The following MAP3K6 variants were observed in gnomAD, a reference collection of about 807,000 sequenced individuals.
The protein encoded by MAP3K6 is apoptosis signal-regulating kinase 2.
MAP3K6 carries 105 observed loss-of-function variants against 147.1 expected under a neutral mutation model. The observed-to-expected ratio is 0.71, with a 90% CI of 0.61 to 0.84. MAP3K6 has a LOEUF of 0.84. MAP3K6 is among the 40% of genes least tolerant of loss of function. The pLI is 0.00. For synonymous variants in MAP3K6, 695 were observed against 732.4 expected (o/e 0.95, Z 0.82); for missense variants, 1,569 against 1,715.0 (o/e 0.91, Z 1.50).
Position 27,366,580 on chromosome 1 carries a change from G to T in MAP3K6, c.18C>A (p.Pro6=). The T allele has an allele frequency of 9.2e-7, 1 of 1,081,180 alleles. No homozygotes were observed. The highest frequency in any genetic ancestry group is 4.4e-5 in the South Asian group (1 of 22,638). 67.0% of individuals were successfully genotyped at this position (1,081,180 alleles called of 1,614,324 possible). Residue 6 remains proline (P), a synonymous_variant, in exon 1 of 29, where the codon CCC becomes CCA. Transcript: ENST00000357582. The surrounding 1 kb of genome is among the most constrained non-coding windows in gnomAD (Gnocchi z 5.5). ...TGCCGGCGCGCTCCGCCCCGGACCG[G>T]GGACACGGCCCCGCCATGCGGGGGC... MAGPC[P]RSGAERAGSC... is the part of the protein sequence containing the mutation.
chr1:27,366,139 T>G lies in MAP3K6; in HGVS notation c.340+119A>C. 1 of 1,083,908 alleles carries G rather than the reference T, an allele frequency of 9.2e-7. No homozygotes were observed. Among genetic ancestry groups the G allele is most frequent in the Non-Finnish European group, 1.2e-6 (1 of 854,118 alleles). 67.1% of individuals were successfully genotyped at this position (1,083,908 alleles called of 1,614,324 possible). A position where few individuals can be genotyped will look rare whatever the true frequency, so the allele number is the denominator to read the frequency against. On this transcript the variant is annotated intron_variant, in intron 1 of 28. Coordinates refer to ENST00000357582, the MANE Select transcript of MAP3K6 (RefSeq NM_004672.5). The surrounding 1 kb of genome is among the most constrained non-coding windows in gnomAD (Gnocchi z 5.5). ...CCAAGCCCTTCAGCTTTAGCTCACT[T>G]TAAGTCCCCTAGACCCGGTACCCCT...
At chr1:27,363,128 T>C (rs1044983559) in intron 6 of MAP3K6, 107 bp from the exon 7 acceptor site, 52 of 1,015,880 alleles carry the variant, frequency 5.1e-5, no homozygotes, top group Non-Finnish European at 7.3e-5. Flanking sequence ...CTGACAATAA[T>C]GACCTCAAAA....
rs1161070707 is a variant in MAP3K6 at position 27,363,524 on chromosome 1, C to T, written c.889G>A (p.Val297Met). ...VQDYSAIIEL[V>M]ETLQALPTCD... ...GTGGGCAAGGCCTGCAGCGTCTCCACCAGCTCAATGATGGCCGAGTAGTCC... is the reference window on the plus strand; with the variant it reads ...GTGGGCAAGGCCTGCAGCGTCTCCATCAGCTCAATGATGGCCGAGTAGTCC... Residue 297 changes from valine to methionine, a missense_variant, in exon 6 of 29, where the codon GTG becomes ATG. Physicochemically the swap from Val to Met is conservative, Grantham distance 21 (BLOSUM62 1). Transcript: ENST00000357582. The T allele has an allele frequency of 1.2e-6, 2 of 1,612,848 alleles. No homozygotes were observed. Among genetic ancestry groups the T allele is most frequent in the South Asian group, 1.1e-5 (1 of 90,890 alleles).
At position 27,360,333 on chromosome 1, in the gene MAP3K6, T is replaced by A; in HGVS notation, c.2090A>T (p.His697Leu). The A allele has an allele frequency of 6.2e-7, 1 of 1,613,930 alleles. No homozygotes were observed. Among genetic ancestry groups the A allele is most frequent in the Non-Finnish European group, 8.5e-7 (1 of 1,179,948 alleles). Residue 697 changes from histidine (H) to leucine (L), a missense_variant, in exon 16 of 29, where the codon CAC becomes CTC. Physicochemically the swap from His to Leu is moderately conservative, Grantham distance 99. Transcript: ENST00000357582. The surrounding 1 kb of genome is among the most constrained non-coding windows in gnomAD (Gnocchi z 4.5). ...TATGTTCTTGTGGCGCAGGCGTCTG[T>A]GAAGAGCGATCTCTTCATGCAGGGG... ...SQPLHEEIAL[H>L]RRLRHKNIVR...
At position 27,358,903 on chromosome 1, in the gene MAP3K6, C is replaced by A; in HGVS notation, c.2426-37G>T. On this transcript the variant is annotated intron_variant, in intron 18 of 28. Transcript: ENST00000357582. This position sits in a 1 kb window ranked among gnomAD's most constrained non-coding sequence, Gnocchi z 6.2. ...ACAGGAGCACCAATGCCCATCTAGGCTTCATCATGGGGTTGGAGCAGGGAG... is the reference window on the plus strand; with the variant it reads ...ACAGGAGCACCAATGCCCATCTAGGATTCATCATGGGGTTGGAGCAGGGAG... The A allele has an allele frequency of 6.5e-7, 1 of 1,536,206 alleles. No individual in the cohort carries two copies. Among genetic ancestry groups the A allele is most frequent in the Non-Finnish European group, 8.8e-7 (1 of 1,141,764 alleles).
rs998204995 is a variant in MAP3K6 at position 27,366,654 on chromosome 1, C to A, written c.-57G>T. 1.7e-4 allele frequency: 183 copies of A among 1,049,884 alleles called. No homozygotes were observed. The highest frequency in any genetic ancestry group is 2.0e-4 in the Non-Finnish European group (175 of 871,122). 65.0% of individuals were successfully genotyped at this position (1,049,884 alleles called of 1,614,324 possible). On this transcript the variant is annotated 5_prime_UTR_variant, in exon 1 of 29. Transcript: ENST00000357582. The surrounding 1 kb of genome is among the most constrained non-coding windows in gnomAD (Gnocchi z 5.5). Reference sequence around the variant, plus strand: ...CTGGGAACCGGGGGCGGGGCAGGAGCCTGGGCCGGCAGATCAGGAATCTTG... The same window carrying A: ...CTGGGAACCGGGGGCGGGGCAGGAGACTGGGCCGGCAGATCAGGAATCTTG...
chr1:27,362,958 C>T lies in MAP3K6; in HGVS notation c.1035G>A (p.Glu345=). The T allele has an allele frequency of 6.2e-7, 1 of 1,614,088 alleles. No individual in the cohort carries two copies. Among genetic ancestry groups the T allele is most frequent in the Non-Finnish European group, 8.5e-7 (1 of 1,180,002 alleles). ...AGTACAGATCGGGCGCCACAGAGCC[C>T]TCAAGCTGTACCAGCGGCAGCAGCA... ...LSVLLPLVQL[E]GSVAPDLYCM... is the part of the protein sequence containing the mutation. Residue 345 remains glutamate (E), a synonymous_variant, in exon 7 of 29, where the codon GAG becomes GAA. Transcript: ENST00000357582.
Position 27,360,038 on chromosome 1 carries a change from C to G in MAP3K6, c.2183-44G>C, listed in dbSNP as rs754242056. 1.3e-5 allele frequency: 21 copies of G among 1,611,756 alleles called. No homozygotes were observed. In the East Asian group the frequency reaches 4.7e-4, roughly 36 times the overall value. The stretch of plus-strand genomic sequence containing the variant: ...AGTTCATTCTTCCCACCCACTGGCT[C>G]CAGCCCACATCTCTCTGCTCAAGGC... On this transcript the variant is annotated intron_variant, in intron 16 of 28. Coordinates refer to ENST00000357582, the MANE Select transcript of MAP3K6 (RefSeq NM_004672.5). This position sits in a 1 kb window ranked among gnomAD's most constrained non-coding sequence, Gnocchi z 4.5.
At chr1:27,365,230 G>A (rs539170967) in intron 1 of MAP3K6, among the ~76,000 whole-genome samples, 73 of 152,266 alleles carry the variant, frequency 4.8e-4, no homozygotes, top group Middle Eastern at 6.8e-3. Context: ...TGGGAGTTGC[G>A]CAAACATAGA....
chr1:27,360,556 C>G lies in MAP3K6; in HGVS notation c.2054+149G>C. 2 of 1,393,128 alleles carry G rather than the reference C, an allele frequency of 1.4e-6. No homozygotes were observed. The highest frequency in any genetic ancestry group is 1.9e-6 in the Non-Finnish European group (2 of 1,050,842). 86.3% of individuals were successfully genotyped at this position (1,393,128 alleles called of 1,614,324 possible). A position where few individuals can be genotyped will look rare whatever the true frequency, so the allele number is the denominator to read the frequency against. On this transcript the variant is annotated intron_variant, in intron 15 of 28. Transcript: ENST00000357582. This position sits in a 1 kb window ranked among gnomAD's most constrained non-coding sequence, Gnocchi z 4.5. ...TCCCGCCCGCACGGTCCTGGCTGTT[C>G]CGCCCACGGGCCCAGTCCACAGGGC...
rs748444162 is a variant in MAP3K6, at chr1:27,364,696, A to G, written c.481-12T>C. The G allele has an allele frequency of 3.5e-5, 56 of 1,614,034 alleles. No individual in the cohort carries two copies. The Admixed American group carries it at 3.7e-4, about 11-fold the overall frequency. On this transcript the variant is annotated splice_polypyrimidine_tract_variant and intron_variant, in intron 2 of 28. Transcript: ENST00000357582. This position sits in a 1 kb window ranked among gnomAD's most constrained non-coding sequence, Gnocchi z 4.4. ...TGGAAAACATCCTCCTGCAGGAGGC[A>G]GACAGTCAGATACTGGTGTTCTGTG...
At position 27,358,054 on chromosome 1, in the gene MAP3K6, G is replaced by A; in HGVS notation, c.2915+127C>T. The A allele has an allele frequency of 6.7e-7, 1 of 1,498,708 alleles. No homozygotes were observed. Among genetic ancestry groups the A allele is most frequent in the Non-Finnish European group, 8.9e-7 (1 of 1,122,890 alleles). The allele number at this position is 1,498,708 out of a possible 1,614,324, so 92.8% of individuals were successfully genotyped here. On this transcript the variant is annotated intron_variant, in intron 21 of 28. Transcript: ENST00000357582. The surrounding 1 kb of genome is among the most constrained non-coding windows in gnomAD (Gnocchi z 6.2). ...AGTTAGAGTTGCCAGAACAGGGCAT[G>A]GGGAGGCACCAAATGCCACATTCAC...
chr1:27,358,597 C>T lies in MAP3K6; in HGVS notation c.2598G>A (p.Lys866=), dbSNP rs1197316412. 6.2e-7 allele frequency: 1 copy of T among 1,613,736 alleles called. No individual in the cohort carries two copies. Among genetic ancestry groups the T allele is most frequent in the South Asian group, 1.1e-5 (1 of 91,056 alleles). The part of the protein sequence containing the change: ...QAAMFQVGMY[K]VHPPMPSSLS... ...GAGAGCTGGGCATTGGCGGATGGAC[C>T]TTGTACATACCCACCTGTGGGGGGA... Residue 866 remains lysine (K), a synonymous_variant, in exon 20 of 29, where the codon AAG becomes AAA. Coordinates refer to ENST00000357582, the MANE Select transcript of MAP3K6 (RefSeq NM_004672.5). The surrounding 1 kb of genome is among the most constrained non-coding windows in gnomAD (Gnocchi z 6.2).
rs757061579 is a variant in MAP3K6 at position 27,362,960 on chromosome 1, C to G, written c.1033G>C (p.Glu345Gln). 6.2e-7 allele frequency: 1 copy of G among 1,614,090 alleles called. No individual in the cohort carries two copies. Among genetic ancestry groups the G allele is most frequent in the East Asian group, 2.2e-5 (1 of 44,894 alleles). Residue 345 changes from glutamate to glutamine, a missense_variant, in exon 7 of 29, where the codon GAG becomes CAG. By Grantham distance (29) the Glu-to-Gln change is conservative. Transcript: ENST00000357582. ...LSVLLPLVQL[E>Q]GSVAPDLYCM... Reference sequence around the variant, plus strand: ...TACAGATCGGGCGCCACAGAGCCCTCAAGCTGTACCAGCGGCAGCAGCACA... The same window carrying G: ...TACAGATCGGGCGCCACAGAGCCCTGAAGCTGTACCAGCGGCAGCAGCACA...
In MAP3K6 at chr1:27,359,437, G is replaced by A; in HGVS notation, c.2405C>T (p.Pro802Leu). ...GTTACCTGTGAAGGTCTCAGTGCAAGGTGTGATGCCTGCCAGCCGCTTGGA... is the reference window on the plus strand; with the variant it reads ...GTTACCTGTGAAGGTCTCAGTGCAAAGTGTGATGCCTGCCAGCCGCTTGGA... ...GTSKRLAGIT[P>L]CTETFTGTLQ... Residue 802 changes from proline to leucine, a missense_variant, in exon 18 of 29, where the codon CCT becomes CTT. Pro to Leu is a moderately conservative substitution (Grantham distance 98, BLOSUM62 -3). Coordinates refer to ENST00000357582, the MANE Select transcript of MAP3K6 (RefSeq NM_004672.5). This position sits in a 1 kb window ranked among gnomAD's most constrained non-coding sequence, Gnocchi z 4.4. The A allele has an allele frequency of 6.2e-7, 1 of 1,614,178 alleles. No individual in the cohort carries two copies. Among genetic ancestry groups the A allele is most frequent in the Non-Finnish European group, 8.5e-7 (1 of 1,180,038 alleles).
At chr1:27,361,678 CG>C (rs1302808809) in intron 10 of MAP3K6, 26 bp downstream of exon 10, 1 of 1,613,852 alleles carries the variant, frequency 6.2e-7, no homozygotes, top group Non-Finnish European at 8.5e-7. Flanking sequence ...ACCCCTTTCC[CG>C]GGTCCACCAC....
At position 27,356,623 on chromosome 1, in the gene MAP3K6, A is replaced by C; in HGVS notation, c.3491T>G (p.Val1164Gly). 6.2e-7 allele frequency: 1 copy of C among 1,612,896 alleles called. No homozygotes were observed. Among genetic ancestry groups the C allele is most frequent in the Non-Finnish European group, 8.5e-7 (1 of 1,179,388 alleles). Residue 1164 changes from valine (V) to glycine (G), a missense_variant, in exon 25 of 29, where the codon GTG (valine) becomes GGG (glycine). Coordinates refer to ENST00000357582, the MANE Select transcript of MAP3K6 (RefSeq NM_004672.5). ...CTCTGCCCTCAAGAGGCTCAGCTGCACCATCAGAGGAGCGGGGCCCTGCTC... is the reference window on the plus strand; with the variant it reads ...CTCTGCCCTCAAGAGGCTCAGCTGCCCCATCAGAGGAGCGGGGCCCTGCTC... Reference protein sequence around the residue: ...EPEQGPAPLMVQLSLLRAETD... With the variant: ...EPEQGPAPLMGQLSLLRAETD...
Position 27,366,040 on chromosome 1 carries a change from C to T in MAP3K6, c.340+218G>A, listed in dbSNP as rs2015967580. On this transcript the variant is annotated intron_variant, in intron 1 of 28. Transcript: ENST00000357582. The surrounding 1 kb of genome is among the most constrained non-coding windows in gnomAD (Gnocchi z 5.5). ...CCCAACCTCGAGCCCTAGAGCCGCGCCCGGATCCCTGTCTCGTCCCGAGCC... is the reference window on the plus strand; with the variant it reads ...CCCAACCTCGAGCCCTAGAGCCGCGTCCGGATCCCTGTCTCGTCCCGAGCC... 6.6e-6 allele frequency among the ~76,000 whole-genome samples: 1 copy of T among 152,010 alleles called. No homozygotes were observed. The highest frequency in any genetic ancestry group is 2.4e-5 in the African/African-American group (1 of 41,370).
chr1:27,359,838 G>C lies in MAP3K6; in HGVS notation c.2319+20C>G, dbSNP rs750251884. 2.5e-6 allele frequency: 4 copies of C among 1,613,894 alleles called. No individual in the cohort carries two copies. In the East Asian group the frequency reaches 8.9e-5, roughly 36 times the overall value. ...CCCGCCACCCTCAGCAGATGAGGGC[G>C]GGCCAGCCCCAGGGCTTACTTTTAT... is the stretch of plus-strand genomic sequence containing the variant. On this transcript the variant is annotated intron_variant, in intron 17 of 28. Transcript: ENST00000357582. The surrounding 1 kb of genome is among the most constrained non-coding windows in gnomAD (Gnocchi z 4.4).
Sources: gnomAD v4.1 joint callset for allele counts (sites outside exome capture counted in the v4.1 genomes callset) on GRCh38, gnomAD v4.1.1 for gene constraint, Gnocchi (gnomAD v3.1) non-coding constraint, MANE v1.5 for transcripts, NCBI Gene and HGNC (gene_info 2026-07-23, HGNC 2026-07-21) for gene names.